SLC24A2: variants seen among roughly 807,000 people sequenced by gnomAD.
The protein encoded by SLC24A2 is sodium/potassium/calcium exchanger 2.
Under a neutral mutation model 62.0 loss-of-function variants are expected in SLC24A2, and 36 were observed. That is an observed-to-expected ratio of 0.58 (90% CI 0.44 to 0.77). The LOEUF (loss-of-function observed/expected upper bound fraction) is 0.77, where lower values mean the gene tolerates loss of function less well. Among genes scored for constraint, SLC24A2 ranks in the 30% least tolerant of loss-of-function variants. The probability of loss-of-function intolerance (pLI) is 0.00; values close to 1 mark genes in which losing one functional copy is unlikely to be tolerated. For synonymous variants in SLC24A2, 358 were observed against 294.0 expected (o/e 1.22, Z -2.23); for missense variants, 846 against 817.9 (o/e 1.03, Z -0.42).
the SLC24A2 span, among the ~76,000 whole-genome samples, chr9:20,231,215 G>A: frequency 1.3e-4 from 20 of 152,098 alleles, no homozygotes; most frequent in South Asian, 2.1e-4. Context: ...TGGGCGATGC[G>A]GGCTCTTTTT....
the SLC24A2 span, among the ~76,000 whole-genome samples, chr9:20,083,573 C>A: frequency 6.6e-6 from 1 of 152,208 alleles, no homozygotes; most frequent in Non-Finnish European, 1.5e-5. Flanking sequence ...CAGCGAATTG[C>A]CATTCAGTCA....
chr9:19,734,535 C>A lies in SLC24A2; in HGVS notation c.930+51402G>T, dbSNP rs191666455. The stretch of plus-strand genomic sequence containing the variant: ...ATCCATGAGCATGGAATGTTCTTCC[C>A]TTTGTTTGTACCCTCTTTTACTTCG... On this transcript the variant is annotated intron_variant, in intron 2 of 10. Transcript: ENST00000341998. Among the ~76,000 whole-genome samples, 656 of 152,094 alleles carry A rather than the reference C, an allele frequency of 4.3e-3. 4 individuals carry two copies. Among genetic ancestry groups the A allele is most frequent in the African/African-American group, 0.015 (629 of 41,496 alleles).
the SLC24A2 span, among the ~76,000 whole-genome samples, chr9:20,145,877 T>C: frequency 1.3e-5 from 2 of 151,934 alleles, no homozygotes; most frequent in African/African-American, 4.8e-5. Context: ...CTGCTATATA[T>C]ATAGATATAA....
At chr9:19,628,369 T>C (rs1818087824) in intron 2 of SLC24A2, among the ~76,000 whole-genome samples, 1 of 152,168 alleles carries the variant, frequency 6.6e-6, no homozygotes, top group South Asian at 2.1e-4. Flanking sequence ...TAGAAGACAG[T>C]AATCCTCATC....
chr9:20,006,143 T>A, the SLC24A2 span, among the ~76,000 whole-genome samples: 1 of 151,570 alleles, frequency 6.6e-6, no homozygotes, highest in African/African-American at 2.4e-5. Flanking sequence ...CAAGAATATA[T>A]TTTATATATA....
chr9:20,171,303 A>AT, the SLC24A2 span, among the ~76,000 whole-genome samples: 5 of 119,584 alleles, frequency 4.2e-5, no homozygotes, highest in Admixed American at 1.1e-4. Flanking sequence ...AAAAAATACA[A>AT]TAAAAAAAAA....
At chr9:19,578,358 C>CAAAAAAAAAAAAAA (rs3085616) in intron 5 of SLC24A2, among the ~76,000 whole-genome samples, 2 of 135,632 alleles carry the variant, frequency 1.5e-5, no homozygotes, top group African/African-American at 5.5e-5. Flanking sequence ...TGCAATAAGC[C>CAAAAAAAAAAAAAA]AAAAAAAAAA....
chr9:20,263,420 T>G, the SLC24A2 span, among the ~76,000 whole-genome samples: 1 of 152,140 alleles, frequency 6.6e-6, no homozygotes, highest in Admixed American at 6.5e-5. Context: ...GGCTATTTTT[T>G]AAATTTTTTG....
At chr9:20,052,014 G>A in the SLC24A2 span, among the ~76,000 whole-genome samples, 1 of 151,992 alleles carries the variant, frequency 6.6e-6, no homozygotes, top group Non-Finnish European at 1.5e-5. Flanking sequence ...CATATCAAGT[G>A]CTTAAAATAG....
Position 19,599,655 on chromosome 9 carries a change from C to G in SLC24A2, c.1079-2376G>C, listed in dbSNP as rs149870447. Among the ~76,000 whole-genome samples, 758 of 152,300 alleles carry G rather than the reference C, an allele frequency of 5.0e-3. 5 individuals are homozygous for G. The highest frequency in any genetic ancestry group is 7.9e-3 in the Non-Finnish European group (539 of 68,024). ...CAGCATCTCCAGGAGCCACAAGGCC[C>G]TCCTCCCTGAAGCAGGGACTCAGGA... On this transcript the variant is annotated intron_variant, in intron 4 of 10. Transcript: ENST00000341998. This position sits in a 1 kb window ranked among gnomAD's most constrained non-coding sequence, Gnocchi z 4.5.
At chr9:19,937,070 G>A in the SLC24A2 span, among the ~76,000 whole-genome samples, 1 of 152,084 alleles carries the variant, frequency 6.6e-6, no homozygotes, top group Non-Finnish European at 1.5e-5. Flanking sequence ...ACATAAAATT[G>A]AGTCAAGAAT....
chr9:19,657,218 G>C (rs4977314), intron 2 of SLC24A2, among the ~76,000 whole-genome samples: 71,191 of 151,886 alleles, frequency 0.47, 17,257 homozygotes, highest in East Asian at 0.81. Flanking sequence ...TGAGTGCTAC[G>C]CTTTAGGTGG....
chr9:19,996,573 C>T, the SLC24A2 span, among the ~76,000 whole-genome samples: 1 of 151,780 alleles, frequency 6.6e-6, no homozygotes, highest in Non-Finnish European at 1.5e-5. Flanking sequence ...AATCCTGTCT[C>T]TACTAAAAAA....
chr9:19,722,292 A>C (rs557948975), intron 2 of SLC24A2, among the ~76,000 whole-genome samples: 1 of 152,134 alleles, frequency 6.6e-6, no homozygotes, highest in Admixed American at 6.6e-5. Context: ...GGGATTATCA[A>C]TTCTCTTGAA....
the SLC24A2 span, among the ~76,000 whole-genome samples, chr9:20,274,671 G>T: frequency 3.3e-5 from 5 of 152,134 alleles, no homozygotes; most frequent in African/African-American, 9.7e-5. Context: ...GGAGGGCTAG[G>T]CCTCCTGCCT....
At chr9:19,788,538 G>A (rs1395097496) in intron 1 of SLC24A2, 1 of 985,364 alleles carries the variant, frequency 1.0e-6, no homozygotes, top group Non-Finnish European at 1.2e-6. Context: ...CCACCTGTGA[G>A]CTTGGAGCTG....
the SLC24A2 span, chr9:19,895,856 A>T: frequency 6.8e-6 from 11 of 1,611,194 alleles, 1 homozygote; most frequent in South Asian, 1.2e-4. Context: ...AGGCCAGCAA[A>T]GAAGGGGTGC....
chr9:19,891,573 T>C, the SLC24A2 span, among the ~76,000 whole-genome samples: 1 of 152,070 alleles, frequency 6.6e-6, no homozygotes, highest in Non-Finnish European at 1.5e-5. Flanking sequence ...AGATATGCAA[T>C]GCTCTTTTAA....
At chr9:20,111,838 A>C in the SLC24A2 span, among the ~76,000 whole-genome samples, 4 of 152,126 alleles carry the variant, frequency 2.6e-5, no homozygotes, top group South Asian at 2.1e-4. Flanking sequence ...TCATTATTTC[A>C]ACCAAAAAGA....
Sources: allele counts gnomAD v4.1 joint callset (sites outside exome capture counted in the v4.1 genomes callset), GRCh38; gene constraint gnomAD v4.1.1; non-coding constraint Gnocchi (gnomAD v3.1); transcripts MANE v1.5; gene names NCBI Gene and HGNC (gene_info 2026-07-23, HGNC 2026-07-21).